The following NEDD9 variants were observed in gnomAD, a reference collection of about 807,000 sequenced individuals.
The protein encoded by NEDD9 is enhancer of filamentation 1.
NEDD9 carries 26 observed loss-of-function variants against 76.6 expected under a neutral mutation model. The ratio of observed to expected loss-of-function variants is 0.34; its 90% CI spans 0.25 to 0.47. The LOEUF is 0.47. Ranked by LOEUF, NEDD9 falls within the 20% of genes least tolerant of loss-of-function variation. The probability of loss-of-function intolerance (pLI) is 1.00; values close to 1 mark genes in which losing one functional copy is unlikely to be tolerated. For synonymous variants in NEDD9, 392 were observed against 414.2 expected (o/e 0.95, Z 0.65); for missense variants, 937 against 1,058.5 (o/e 0.89, Z 1.59).
At chr6:11,239,822 G>C (rs1314222808) in intron 3 of NEDD9, among the ~76,000 whole-genome samples, 2 of 151,972 alleles carry the variant, frequency 1.3e-5, no homozygotes, top group African/African-American at 4.8e-5. Context: ...GAGGCAGGTG[G>C]ATCATGAGGT....
intron 1 of NEDD9, among the ~76,000 whole-genome samples, chr6:11,231,233 T>C (rs1307505566): frequency 6.6e-6 from 1 of 152,230 alleles, no homozygotes; most frequent in Non-Finnish European, 1.5e-5. Flanking sequence ...TCTTCCCTAC[T>C]GATGAAGATA....
intron 3 of NEDD9, among the ~76,000 whole-genome samples, chr6:11,249,557 C>CAT (rs1759873777): frequency 6.6e-6 from 1 of 152,062 alleles, no homozygotes; most frequent in African/African-American, 2.4e-5. Context: ...ATCTTGGTCA[C>CAT]ATGGTCACAG....
At chr6:11,228,579 C>T (rs1185116711) in intron 1 of NEDD9, among the ~76,000 whole-genome samples, 2 of 148,348 alleles carry the variant, frequency 1.3e-5, no homozygotes, top group African/African-American at 2.5e-5. Context: ...TTTCAGAAGA[C>T]TGGAGTGAAG....
chr6:11,368,139 C>G (rs992068864), intron 1 of NEDD9, among the ~76,000 whole-genome samples: 2 of 152,336 alleles, frequency 1.3e-5, no homozygotes, highest in African/African-American at 4.8e-5. Flanking sequence ...GGCTTCTCCC[C>G]TTGCCCTTGG....
chr6:11,347,913 A>G (rs1311582506), intron 1 of NEDD9, among the ~76,000 whole-genome samples: 5 of 152,206 alleles, frequency 3.3e-5, no homozygotes, highest in Non-Finnish European at 5.9e-5. Context: ...CACCACTCCT[A>G]TGCAACATAG....
At chr6:11,283,789 G>T (rs1296704626) in intron 3 of NEDD9, among the ~76,000 whole-genome samples, 1 of 152,214 alleles carries the variant, frequency 6.6e-6, no homozygotes, top group Non-Finnish European at 1.5e-5. Flanking sequence ...ATCAAGCACA[G>T]AAATGGATTT....
chr6:11,297,900 T>C (rs1186215277), intron 3 of NEDD9, among the ~76,000 whole-genome samples: 2 of 135,082 alleles, frequency 1.5e-5, no homozygotes, highest in African/African-American at 5.9e-5. Context: ...GTCCGTATTT[T>C]TTTTTCTTTT....
intron 2 of NEDD9, among the ~76,000 whole-genome samples, chr6:11,203,953 C>G (rs1211947688): frequency 6.8e-6 from 1 of 146,728 alleles, no homozygotes; most frequent in Non-Finnish European, 1.5e-5. Flanking sequence ...AATTTATAAT[C>G]AATGCTTGAG....
chr6:11,279,363 G>A (rs115309149), intron 3 of NEDD9, among the ~76,000 whole-genome samples: 32 of 152,288 alleles, frequency 2.1e-4, no homozygotes, highest in African/African-American at 7.0e-4. Flanking sequence ...GCCCTAATGC[G>A]GGTGCTTGGA....
intron 1 of NEDD9, among the ~76,000 whole-genome samples, chr6:11,367,842 C>T (rs1406997560): frequency 6.6e-6 from 1 of 152,190 alleles, no homozygotes; most frequent in Non-Finnish European, 1.5e-5. Context: ...TAGCTACTAG[C>T]CATTTCGGCA....
At chr6:11,338,893 G>A (rs1762217838) in intron 1 of NEDD9, among the ~76,000 whole-genome samples, 1 of 148,068 alleles carries the variant, frequency 6.8e-6, no homozygotes, top group Non-Finnish European at 1.5e-5. Flanking sequence ...CTGTACTCCA[G>A]CCTGGCGACA....
chr6:11,297,447 C>G (rs1760926276), intron 3 of NEDD9, among the ~76,000 whole-genome samples: 1 of 152,122 alleles, frequency 6.6e-6, no homozygotes, highest in South Asian at 2.1e-4. Flanking sequence ...ACAGGCTTCC[C>G]CAGTGAATTT....
chr6:11,211,022 G>T (rs1042450195), intron 2 of NEDD9, among the ~76,000 whole-genome samples: 35 of 152,176 alleles, frequency 2.3e-4, no homozygotes, highest in Admixed American at 6.5e-5. Flanking sequence ...GATGCTTTAG[G>T]CACGGCCTAC....
intron 3 of NEDD9, among the ~76,000 whole-genome samples, chr6:11,299,673 C>T (rs1335689035): frequency 6.6e-6 from 1 of 152,176 alleles, no homozygotes; most frequent in Non-Finnish European, 1.5e-5. Flanking sequence ...GATCAGGCAG[C>T]AATATTTGCT....
intron 3 of NEDD9, among the ~76,000 whole-genome samples, chr6:11,278,976 G>T (rs1056419737): frequency 6.6e-6 from 1 of 151,750 alleles, no homozygotes; most frequent in African/African-American, 2.4e-5. Context: ...TTTAATGTCT[G>T]GGCAAACTAC....
At chr6:11,340,334 C>A (rs1025171533) in intron 1 of NEDD9, among the ~76,000 whole-genome samples, 1 of 152,144 alleles carries the variant, frequency 6.6e-6, no homozygotes, top group Non-Finnish European at 1.5e-5. Context: ...CCACAGGGTA[C>A]AGTAATAATC....
chr6:11,342,825 A>G (rs1762298692), intron 1 of NEDD9, among the ~76,000 whole-genome samples: 2 of 152,254 alleles, frequency 1.3e-5, no homozygotes, highest in Admixed American at 1.3e-4. Context: ...ATGCAGTAAC[A>G]TGGCTTCAAC....
At chr6:11,356,677 C>T (rs1312701987) in intron 1 of NEDD9, among the ~76,000 whole-genome samples, 2 of 152,138 alleles carry the variant, frequency 1.3e-5, no homozygotes, top group African/African-American at 4.8e-5. Flanking sequence ...ACCACAGGCT[C>T]ACTTGAGTGT....
At chr6:11,228,051 G>T (rs1391245236) in intron 1 of NEDD9, among the ~76,000 whole-genome samples, 1 of 146,250 alleles carries the variant, frequency 6.8e-6, no homozygotes, top group Non-Finnish European at 1.5e-5. Context: ...CATTAAAAGT[G>T]TCACATCTGT....
Sources: gnomAD v4.1 joint callset for allele counts (sites outside exome capture counted in the v4.1 genomes callset) on GRCh38, gnomAD v4.1.1 for gene constraint, MANE v1.5 for transcripts, NCBI Gene and HGNC (gene_info 2026-07-23, HGNC 2026-07-21) for gene names.